ACER2: variants seen among roughly 807,000 people sequenced by gnomAD.
ACER2 encodes alkaline ceramidase 2, also known as alkCDase 2.
A neutral mutation model predicts 34.7 loss-of-function variants in ACER2; 26 were observed. That is an observed-to-expected ratio of 0.75 (90% CI 0.55 to 1.04). The LOEUF (loss-of-function observed/expected upper bound fraction) is 1.04, where lower values mean the gene tolerates loss of function less well. ACER2 is among the 50% of genes least tolerant of loss of function. The pLI is 0.00. For missense variants in ACER2, 352 were observed against 340.8 expected (o/e 1.03, Z -0.26); for synonymous variants, 138 against 132.1 (o/e 1.04, Z -0.31).
intron 4 of ACER2, among the ~76,000 whole-genome samples, chr9:19,440,335 T>C (rs1831116028): frequency 6.6e-6 from 1 of 152,184 alleles, no homozygotes; most frequent in African/African-American, 2.4e-5. Context: ...CTTGCTATGG[T>C]CTGAATGTTT....
rs114274474 is a variant in ACER2 at position 19,439,124 on chromosome 9, A to G, written c.503+4040A>G. ...TTTGTAAATAATTACATAAGAAATA[A>G]TTTGTTTCATGCTTAAAATGTTCTG... On this transcript the variant is annotated intron_variant, in intron 4 of 5. Coordinates refer to ENST00000340967, the MANE Select transcript of ACER2 (RefSeq NM_001010887.3). Among the ~76,000 whole-genome samples, 395 of 152,316 alleles carry G rather than the reference A, an allele frequency of 2.6e-3. 2 individuals are homozygous for G. Among genetic ancestry groups the G allele is most frequent in the African/African-American group, 9.2e-3 (381 of 41,568 alleles).
At chr9:19,441,948 G>A (rs1381131786) in intron 4 of ACER2, among the ~76,000 whole-genome samples, 1 of 152,198 alleles carries the variant, frequency 6.6e-6, no homozygotes. Flanking sequence ...TTGCTCAGAG[G>A]TAATAGAGGA....
chr9:19,441,448 A>G (rs1271554519), intron 4 of ACER2, among the ~76,000 whole-genome samples: 1 of 152,096 alleles, frequency 6.6e-6, no homozygotes, highest in African/African-American at 2.4e-5. Flanking sequence ...TCACTCCCAC[A>G]AGAAGCTCCT....
At chr9:19,440,348 A>G (rs1157274932) in intron 4 of ACER2, among the ~76,000 whole-genome samples, 1 of 152,118 alleles carries the variant, frequency 6.6e-6, no homozygotes, top group Non-Finnish European at 1.5e-5. Context: ...GAATGTTTGT[A>G]TCTCCCCTGA....
At chr9:19,417,849 T>C (rs1038270696) in intron 1 of ACER2, among the ~76,000 whole-genome samples, 2 of 152,084 alleles carry the variant, frequency 1.3e-5, no homozygotes, top group African/African-American at 2.4e-5. Flanking sequence ...AAAGCCAAAA[T>C]TGACAAATGA....
intron 4 of ACER2, among the ~76,000 whole-genome samples, chr9:19,445,852 ACT>A (rs746178214): frequency 1.3e-5 from 2 of 151,854 alleles, no homozygotes; most frequent in Admixed American, 6.6e-5. Context: ...GTGGAAGGAG[ACT>A]CTGATGAGAT....
intron 4 of ACER2, among the ~76,000 whole-genome samples, chr9:19,445,700 G>A (rs1411238027): frequency 1.3e-5 from 2 of 152,198 alleles, no homozygotes; most frequent in Non-Finnish European, 2.9e-5. Context: ...GCAGTGAGAG[G>A]GAAGAGTACA....
At chr9:19,409,387 C>T (rs1340924972) in intron 1 of ACER2, among the ~76,000 whole-genome samples, 195 bp downstream of exon 1, 2 of 152,214 alleles carry the variant, frequency 1.3e-5, no homozygotes, top group Non-Finnish European at 2.9e-5. Context: ...GTCCCCATTC[C>T]CGACAGCTGG....
At chr9:19,445,941 T>G (rs1353457334) in intron 4 of ACER2, among the ~76,000 whole-genome samples, 1 of 152,142 alleles carries the variant, frequency 6.6e-6, no homozygotes, top group Non-Finnish European at 1.5e-5. Flanking sequence ...GCTGATGGAC[T>G]AGATGTGGGC....
At position 19,435,067 on chromosome 9, in the gene ACER2, C is replaced by T. The variant is rs1757088790; in HGVS notation, c.486C>T (p.Leu162=). 9 of 1,614,160 alleles carry T rather than the reference C, an allele frequency of 5.6e-6. No homozygotes were observed. Among genetic ancestry groups the T allele is most frequent in the Non-Finnish European group, 7.6e-6 (9 of 1,180,028 alleles). Reference sequence around the variant, plus strand: ...TGGGAGTTCCTTGCACTGCACTGCTCATCGCAGAGCTAAAGAGGTAGGTGC... The same window carrying T: ...TGGGAGTTCCTTGCACTGCACTGCTTATCGCAGAGCTAAAGAGGTAGGTGC... ...MTLGVPCTAL[L]IAELKRCDNM... The change falls in exon 4 of 6, where the codon CTC becomes CTT. Residue 162 remains leucine (L), a synonymous_variant. Coordinates refer to ENST00000340967, the MANE Select transcript of ACER2 (RefSeq NM_001010887.3).
intron 4 of ACER2, among the ~76,000 whole-genome samples, chr9:19,440,262 A>C (rs546037424): frequency 4.6e-5 from 7 of 150,588 alleles, no homozygotes; most frequent in Admixed American, 3.3e-4. Context: ...TCTTGCGTAG[A>C]CTCCTACTTT....
chr9:19,432,578 GTATA>G (rs35575464), intron 3 of ACER2, among the ~76,000 whole-genome samples: 20 of 149,730 alleles, frequency 1.3e-4, no homozygotes, highest in African/African-American at 3.7e-4. Context: ...GTATGTGTGT[GTATA>G]TATATGATTT....
intron 1 of ACER2, among the ~76,000 whole-genome samples, chr9:19,411,777 G>A (rs1830093633): frequency 6.6e-6 from 1 of 152,220 alleles, no homozygotes; most frequent in East Asian, 1.9e-4. Flanking sequence ...AAGACCGGGA[G>A]AGGGATCTAG....
Position 19,450,279 on chromosome 9 carries a change from C to T in ACER2, c.642-171C>T, listed in dbSNP as rs894848252. On this transcript the variant is annotated intron_variant, in intron 5 of 5. Transcript: ENST00000340967. Reference sequence around the variant, plus strand: ...AAATTGCTGAAGATTTATCATCCTGCTATTCCAGGGATTGTTGGTAATCTT... The same window carrying T: ...AAATTGCTGAAGATTTATCATCCTGTTATTCCAGGGATTGTTGGTAATCTT... 7.4e-5 allele frequency: 73 copies of T among 985,244 alleles called. 3 individuals are homozygous for T. The allele number at this position is 985,244 out of a possible 1,614,324, so 61.0% of individuals were successfully genotyped here. A position where few individuals can be genotyped will look rare whatever the true frequency, so the allele number is the denominator to read the frequency against.
intron 4 of ACER2, among the ~76,000 whole-genome samples, chr9:19,440,553 C>T (rs955093045): frequency 1.3e-5 from 2 of 152,132 alleles, no homozygotes; most frequent in African/African-American, 4.8e-5. Flanking sequence ...TGAGGAATGG[C>T]CCTCACTAGA....
At chr9:19,437,684 ATCTTTGCTCATACTT>A (rs1831020324) in intron 4 of ACER2, among the ~76,000 whole-genome samples, 2 of 151,996 alleles carry the variant, frequency 1.3e-5, no homozygotes, top group African/African-American at 4.8e-5. Context: ...TGGTCTTCAG[ATCTTTGCTCATACTT>A]TCTTCTCCCC....
At chr9:19,446,800 C>T (rs1831381716) in intron 5 of ACER2, 1 of 279,576 alleles carries the variant, frequency 3.6e-6, no homozygotes, top group Admixed American at 6.5e-5. Flanking sequence ...GGAGGGTCCT[C>T]AGTGGGAACC....
chr9:19,418,232 CTT>C (rs1830293579), intron 1 of ACER2, among the ~76,000 whole-genome samples: 1 of 152,176 alleles, frequency 6.6e-6, no homozygotes. Context: ...AATAGGAACA[CTT>C]TTACACTGTT....
chr9:19,425,066 A>G (rs1015721056), intron 3 of ACER2, among the ~76,000 whole-genome samples: 2 of 152,202 alleles, frequency 1.3e-5, no homozygotes, highest in Admixed American at 6.5e-5. Flanking sequence ...CTCTGTACCC[A>G]AAGTACATCA....
Sources: gnomAD v4.1 joint callset for allele counts (sites outside exome capture counted in the v4.1 genomes callset) on GRCh38, gnomAD v4.1.1 for gene constraint, MANE v1.5 for transcripts, NCBI Gene and HGNC (gene_info 2026-07-23, HGNC 2026-07-21) for gene names.